The following MYO15A variants were observed in gnomAD, a reference collection of about 807,000 sequenced individuals.
The protein encoded by MYO15A is myosin XVA, also known as unconventional myosin-XV.
A neutral mutation model predicts 394.6 loss-of-function variants in MYO15A; 308 were observed. That is an observed-to-expected ratio of 0.78 (90% CI 0.71 to 0.86). The LOEUF (loss-of-function observed/expected upper bound fraction) is 0.86. MYO15A is among the 40% of genes least tolerant of loss of function. The pLI, the probability that MYO15A is intolerant of heterozygous loss-of-function variation, is 0.00. For synonymous variants in MYO15A, 1,957 were observed against 2,003.8 expected (o/e 0.98, Z 0.62); for missense variants, 4,606 against 4,799.1 (o/e 0.96, Z 1.19).
At chr17:18,161,599 A>C (rs1332407715) in intron 57 of MYO15A, 152 bp downstream of exon 57, 2 of 1,274,510 alleles carry the variant, frequency 1.6e-6, no homozygotes, top group Non-Finnish European at 2.2e-6. Flanking sequence ...AACATTTGTT[A>C]AGGTTTCACA....
At chr17:18,113,797 G>GACACACAC (rs4025536) in intron 1 of MYO15A, among the ~76,000 whole-genome samples, 2,155 of 138,830 alleles carry the variant, frequency 0.016, 54 homozygotes, top group East Asian at 0.062. Context: ...CACCTCCCCT[G>GACACACAC]ACACACACAC....
Position 18,120,203 on chromosome 17 carries a change from G to A in MYO15A, c.1403G>A (p.Arg468Lys). The change falls in exon 2 of 66, where the codon AGG (arginine) becomes AAG (lysine). Residue 468 changes from arginine (R) to lysine (K), a missense_variant. Arg to Lys is a conservative substitution (Grantham distance 26). Transcript: ENST00000647165. ...CAGCAAGGCATGGATAAGCCCGCCA[G>A]GTCCAAGCTGTCCCTCATCCGCAAG... ...FEQQGMDKPARSKLSLIRKFR... is the reference protein window; with the variant it reads ...FEQQGMDKPAKSKLSLIRKFR... 6.2e-7 allele frequency: 1 copy of A among 1,612,868 alleles called. No homozygotes were observed. Among genetic ancestry groups the A allele is most frequent in the Non-Finnish European group, 8.5e-7 (1 of 1,179,966 alleles).
At position 18,121,923 on chromosome 17, in the gene MYO15A, C is replaced by A. The variant is rs560062005; in HGVS notation, c.3123C>A (p.Pro1041=). Residue 1041 remains proline, a synonymous_variant, in exon 2 of 66, where the codon CCC becomes CCA. Transcript: ENST00000647165. The surrounding 1 kb of genome is among the most constrained non-coding windows in gnomAD (Gnocchi z 5.3). ...CACCTCCCAAGGATGTCACTCCCCC[C>A]AAGGATATCACTCCCCCCAAGGATG... ...TPAPPKDVTP[P]KDITPPKDVL... 8.1e-6 allele frequency: 13 copies of A among 1,613,274 alleles called. No individual in the cohort carries two copies. In the East Asian group the frequency reaches 2.2e-4, roughly 28 times the overall value.
chr17:18,163,094 C>A, intron 58 of MYO15A, 150 bp from the exon 59 acceptor site: 2 of 817,362 alleles, frequency 2.4e-6, no homozygotes, highest in Non-Finnish European at 4.3e-6. Flanking sequence ...CAGGGGCTTG[C>A]AGACAGGCCC....
chr17:18,151,843 C>T lies in MYO15A; in HGVS notation c.7788-3C>T. On this transcript the variant is annotated splice_region_variant and splice_polypyrimidine_tract_variant and intron_variant, in intron 40 of 65. Coordinates refer to ENST00000647165, the MANE Select transcript of MYO15A (RefSeq NM_016239.4). ...ACCCACCACAGTACTCCAATGCCCA[C>T]AGGAAGGATGGCGGGAAAGTGTTCA... 1 of 1,572,526 alleles carries T rather than the reference C, an allele frequency of 6.4e-7. No individual in the cohort carries two copies. The highest frequency in any genetic ancestry group is 1.3e-5 in the African/African-American group (1 of 74,602).
At chr17:18,111,691 G>T (rs951596982) in intron 1 of MYO15A, among the ~76,000 whole-genome samples, 3 of 152,182 alleles carry the variant, frequency 2.0e-5, no homozygotes, top group African/African-American at 7.2e-5. Flanking sequence ...AGGACTTGCT[G>T]CCAGCAGTCA....
At chr17:18,139,636 G>T (rs763738911) in intron 19 of MYO15A, 25 bp downstream of exon 19, 1 of 1,612,528 alleles carries the variant, frequency 6.2e-7, no homozygotes, top group African/African-American at 1.3e-5. Context: ...CCACCGCTCT[G>T]GCCCTGCCCC....
At position 18,152,223 on chromosome 17, in the gene MYO15A, G is replaced by C. The variant is rs1475060571; in HGVS notation, c.7966+39G>C. ...GAGGGAGGGAGGGGAGGGTGTCCAA[G>C]TATATGAGGAAGTCTGTGGGCACAG... On this transcript the variant is annotated intron_variant, in intron 42 of 65. Coordinates refer to ENST00000647165, the MANE Select transcript of MYO15A (RefSeq NM_016239.4). 7.8e-6 allele frequency: 12 copies of C among 1,535,962 alleles called. No homozygotes were observed. The South Asian group carries it at 1.4e-4, about 18-fold the overall frequency.
At position 18,169,152 on chromosome 17, in the gene MYO15A, AATAATAAAAAT is replaced by A. The variant is rs1567665134; in HGVS notation, c.10082+1431_10082+1441del. Among the ~76,000 whole-genome samples, 731 of 100,178 alleles carry A rather than the reference AATAATAAAAAT, an allele frequency of 7.3e-3. 3 individuals carry two copies. The highest frequency in any genetic ancestry group is 0.012 in the Middle Eastern group (2 of 168). The allele number at this position is 100,178 out of a possible 152,430, so 65.7% of individuals were successfully genotyped here. ...TAATAATAATAATAATAATAATAATAATAATAAAAATAGGCTGGGCACAGTGGCTCACGCCT... is the reference window on the plus strand; with the variant it reads ...TAATAATAATAATAATAATAATAATAAGGCTGGGCACAGTGGCTCACGCCT... On this transcript the variant is annotated intron_variant, in intron 62 of 65. Transcript: ENST00000647165.
At chr17:18,111,341 GAAAAAAA>G (rs57095827) in intron 1 of MYO15A, among the ~76,000 whole-genome samples, 3 of 118,950 alleles carry the variant, frequency 2.5e-5, no homozygotes, top group Admixed American at 1.7e-4. Context: ...TCTCAAAAGA[GAAAAAAA>G]AAAAAAAAAA....
chr17:18,119,349 T>G lies in MYO15A; in HGVS notation c.549T>G (p.Pro183=), dbSNP rs200088596. 1.2e-5 allele frequency: 19 copies of G among 1,608,972 alleles called. 1 individual carries two copies. The African/African-American group carries it at 2.0e-4, about 17-fold the overall frequency. The part of the protein sequence containing the change: ...PFPSGAEILR[P]GGRLRRFPRS... ...CGTCGGGTGCCGAGATCCTGCGGCC[T>G]GGGGGCCGGCTCCGGAGGTTCCCCC... Residue 183 remains proline (P), a synonymous_variant, in exon 2 of 66, where the codon CCT becomes CCG. Transcript: ENST00000647165.
intron 15 of MYO15A, 60 bp from the exon 16 acceptor site, chr17:18,137,524 G>A: frequency 6.6e-7 from 1 of 1,518,034 alleles, no homozygotes; most frequent in Non-Finnish European, 9.1e-7. Flanking sequence ...AGGGAAGGTA[G>A]GGGCAAACAG....
intron 58 of MYO15A, 41 bp from the exon 59 acceptor site, chr17:18,163,203 A>G (rs773894585): frequency 3.8e-6 from 6 of 1,595,058 alleles, no homozygotes; most frequent in Non-Finnish European, 5.2e-6. Context: ...CCCAGATCCT[A>G]GGACCCAACC....
chr17:18,114,583 C>T (rs987741657), intron 1 of MYO15A, among the ~76,000 whole-genome samples: 2 of 152,136 alleles, frequency 1.3e-5, no homozygotes, highest in Admixed American at 1.3e-4. Flanking sequence ...CCTCTTCCAT[C>T]AGGTGTAACT....
Position 18,136,701 on chromosome 17 carries a change from G to A in MYO15A, c.4779+15G>A. On this transcript the variant is annotated intron_variant, in intron 15 of 65. Coordinates refer to ENST00000647165, the MANE Select transcript of MYO15A (RefSeq NM_016239.4). The stretch of plus-strand genomic sequence containing the variant: ...ATGGTTTCGAGGTGGGGCCGTGTAG[G>A]AGGCTGAGGGGCGGGGGACATAGGC... 1.9e-6 allele frequency: 3 copies of A among 1,587,124 alleles called. No homozygotes were observed. Among genetic ancestry groups the A allele is most frequent in the Non-Finnish European group, 2.6e-6 (3 of 1,169,896 alleles).
chr17:18,164,869 G>A (rs2046829960), intron 60 of MYO15A: 1 of 147,904 alleles, frequency 6.8e-6, no homozygotes, highest in African/African-American at 2.5e-5. Flanking sequence ...GCCAGGTGTG[G>A]TGGCTTGCAC....
chr17:18,121,418 G>C lies in MYO15A; in HGVS notation c.2618G>C (p.Arg873Pro), dbSNP rs1374373496. The change falls in exon 2 of 66, where the codon CGG becomes CCG. Residue 873 changes from arginine (R) to proline (P), a missense_variant. Arg to Pro is a moderately radical substitution (Grantham distance 103, BLOSUM62 -2). This residue lies in a region of MYO15A where 1,830 missense variants were observed against 1,689.7 expected (regional missense o/e 1.08). Transcript: ENST00000647165. This position sits in a 1 kb window ranked among gnomAD's most constrained non-coding sequence, Gnocchi z 5.3. Reference sequence around the variant, plus strand: ...CCCTCGCGCCTCCCGCACACGTGGCGGCGCCTCAGCGAGCCACCCACTCGG... The same window carrying C: ...CCCTCGCGCCTCCCGCACACGTGGCCGCGCCTCAGCGAGCCACCCACTCGG... The part of the protein sequence containing the change: ...NLPSRLPHTW[R>P]RLSEPPTRAV... 1 of 1,542,604 alleles carries C rather than the reference G, an allele frequency of 6.5e-7. No homozygotes were observed. Among genetic ancestry groups the C allele is most frequent in the Non-Finnish European group, 8.7e-7 (1 of 1,145,920 alleles).
rs751610713 is a variant in MYO15A, at chr17:18,150,686, C to T, written c.7328-12C>T. On this transcript the variant is annotated splice_polypyrimidine_tract_variant and intron_variant, in intron 36 of 65. Transcript: ENST00000647165. This position sits in a 1 kb window ranked among gnomAD's most constrained non-coding sequence, Gnocchi z 4.4. ...TCCGGTGCCATCTGTGCCTTCTGCC[C>T]CCTCCCCTCAGTCCCAGGCCTGGAT... 9 of 1,590,208 alleles carry T rather than the reference C, an allele frequency of 5.7e-6. No homozygotes were observed. The East Asian group carries it at 1.4e-4, about 24-fold the overall frequency.
chr17:18,144,847 CAAG>C (rs1319979426), intron 29 of MYO15A, among the ~76,000 whole-genome samples: 4 of 151,370 alleles, frequency 2.6e-5, no homozygotes, highest in Non-Finnish European at 5.9e-5. Context: ...TCAAGGACAC[CAAG>C]AAGAGACCCA....
Sources: allele counts gnomAD v4.1 joint callset (sites outside exome capture counted in the v4.1 genomes callset), GRCh38; gene constraint gnomAD v4.1.1; regional missense constraint gnomAD v4.1.1; non-coding constraint Gnocchi (gnomAD v3.1); transcripts MANE v1.5; gene names NCBI Gene and HGNC (gene_info 2026-07-23, HGNC 2026-07-21).